ME3: variants seen among roughly 807,000 people sequenced by gnomAD.
The protein encoded by ME3 is malic enzyme 3.
ME3 carries 48 observed loss-of-function variants against 68.9 expected under a neutral mutation model. The ratio of observed to expected loss-of-function variants is 0.70; its 90% CI spans 0.55 to 0.89. The LOEUF is 0.89. ME3 is among the 40% of genes least tolerant of loss of function. The pLI, the probability that ME3 is intolerant of heterozygous loss-of-function variation, is 0.00. For synonymous variants in ME3, 320 were observed against 318.8 expected (o/e 1.00, Z -0.04); for missense variants, 675 against 797.4 (o/e 0.85, Z 1.85).
At chr11:86,616,714 G>A (rs1942980686) in intron 2 of ME3, among the ~76,000 whole-genome samples, 1 of 152,146 alleles carries the variant, frequency 6.6e-6, no homozygotes, top group South Asian at 2.1e-4. Flanking sequence ...GTGCCCTTTA[G>A]GACTGTCAAG....
At chr11:86,644,605 CCAAA>C (rs1944883149) in intron 2 of ME3, among the ~76,000 whole-genome samples, 1 of 152,186 alleles carries the variant, frequency 6.6e-6, no homozygotes, top group Non-Finnish European at 1.5e-5. Flanking sequence ...TCCCTCTGCC[CCAAA>C]CAGTCTTACT....
intron 2 of ME3, among the ~76,000 whole-genome samples, chr11:86,604,853 A>G (rs979718758): frequency 2.0e-5 from 3 of 152,190 alleles, no homozygotes; most frequent in African/African-American, 7.2e-5. Context: ...ATTGTATCTT[A>G]TATGTTTTAA....
At chr11:86,629,034 G>A (rs751413372) in intron 2 of ME3, among the ~76,000 whole-genome samples, 2 of 152,238 alleles carry the variant, frequency 1.3e-5, no homozygotes, top group Non-Finnish European at 2.9e-5. Context: ...AACAGGGTCT[G>A]CAAAGAGAGG....
intron 7 of ME3, 66 bp downstream of exon 7, chr11:86,487,271 G>T (rs773695918): frequency 3.0e-6 from 4 of 1,333,678 alleles, no homozygotes; most frequent in Non-Finnish European, 4.3e-6. Context: ...GCCAAAACCA[G>T]TGTTGACTTT....
chr11:86,605,022 A>C (rs564527425), intron 2 of ME3, among the ~76,000 whole-genome samples: 34 of 152,106 alleles, frequency 2.2e-4, no homozygotes, highest in Non-Finnish European at 4.3e-4. Context: ...CTATTCCCTA[A>C]GCTCTGAGCA....
chr11:86,497,435 G>C (rs533170063), intron 6 of ME3, among the ~76,000 whole-genome samples: 2 of 152,308 alleles, frequency 1.3e-5, no homozygotes, highest in African/African-American at 4.8e-5. Context: ...TGGGGCCTGA[G>C]CTCCTTAAAC....
chr11:86,629,895 G>A (rs1194110074), intron 2 of ME3, among the ~76,000 whole-genome samples: 2 of 152,150 alleles, frequency 1.3e-5, no homozygotes, highest in Non-Finnish European at 2.9e-5. Context: ...GTCTAAATGT[G>A]CACTGTTGAG....
At chr11:86,657,148 G>T (rs1436296322) in intron 2 of ME3, among the ~76,000 whole-genome samples, 4 of 152,146 alleles carry the variant, frequency 2.6e-5, no homozygotes, top group Non-Finnish European at 4.4e-5. Context: ...AAATCATTCT[G>T]CTATAAAGAC....
chr11:86,672,067 A>G, intron 1 of ME3, 109 bp from the exon 2 acceptor site: 2 of 897,412 alleles, frequency 2.2e-6, no homozygotes, highest in Non-Finnish European at 1.5e-6. Flanking sequence ...GGGAGAGGGC[A>G]GGTGCTCCCA....
At chr11:86,495,121 G>A (rs1219179430) in intron 6 of ME3, among the ~76,000 whole-genome samples, 1 of 152,130 alleles carries the variant, frequency 6.6e-6, no homozygotes, top group Non-Finnish European at 1.5e-5. Flanking sequence ...GTGGGGAGAG[G>A]AGCACAAACT....
chr11:86,636,272 T>G (rs564834543), intron 2 of ME3, among the ~76,000 whole-genome samples: 1 of 152,112 alleles, frequency 6.6e-6, no homozygotes, highest in South Asian at 2.1e-4. Context: ...TCTTTTTTTT[T>G]TTGTTTGTTT....
rs57291273 is a variant in ME3, at chr11:86,648,515, CAA to C, written c.183+23245_183+23246del. Among the ~76,000 whole-genome samples, 820 of 147,152 alleles carry C rather than the reference CAA, an allele frequency of 5.6e-3. 14 individuals carry two copies. The highest frequency in any genetic ancestry group is 0.018 in the African/African-American group (732 of 40,136). On this transcript the variant is annotated intron_variant, in intron 2 of 14. Coordinates refer to ENST00000543262, the Ensembl canonical transcript of ME3. ...GGAGATAGAGACACAAAAAACCTTT[CAA>C]AAAAAAAAAAATCAATGAATCCAGG...
At position 86,534,676 on chromosome 11, in the gene ME3, A is replaced by AAATAAT. The variant is rs773693222; in HGVS notation, c.467+21871_467+21876dup. Among the ~76,000 whole-genome samples the AAATAAT allele has an allele frequency of 1.2e-4, 18 of 151,780 alleles. 1 individual carries two copies. Among genetic ancestry groups the AAATAAT allele is most frequent in the South Asian group, 4.2e-4 (2 of 4,802 alleles). On this transcript the variant is annotated intron_variant, in intron 4 of 14. Transcript: ENST00000543262. ...GGCAACAGAGCAAGACTATATCTCA[A>AAATAAT]AATAATAATAATAATAATAATAACA... is the stretch of plus-strand genomic sequence containing the variant.
intron 2 of ME3, among the ~76,000 whole-genome samples, chr11:86,569,029 A>G (rs10898500): frequency 0.21 from 31,546 of 152,220 alleles, 3,910 homozygotes; most frequent in East Asian, 0.54. Context: ...TTGTGGGATT[A>G]GATGAAATAA....
intron 2 of ME3, among the ~76,000 whole-genome samples, chr11:86,648,653 C>A (rs1292221124): frequency 6.6e-6 from 1 of 152,108 alleles, no homozygotes; most frequent in African/African-American, 2.4e-5. Context: ...AAGGGGATAT[C>A]ACCACTGATC....
At chr11:86,634,177 G>A (rs988077428) in intron 2 of ME3, among the ~76,000 whole-genome samples, 2 of 152,176 alleles carry the variant, frequency 1.3e-5, no homozygotes, top group Non-Finnish European at 2.9e-5. Context: ...AAACCTGAGA[G>A]GGGTGTTCAG....
intron 2 of ME3, among the ~76,000 whole-genome samples, chr11:86,626,004 A>G (rs551888379): frequency 6.6e-6 from 1 of 152,330 alleles, no homozygotes; most frequent in South Asian, 2.1e-4. Flanking sequence ...ATTCATCCAT[A>G]TTTTCACTAA....
At chr11:86,487,414 G>T (rs766662424) in exon 7 of ME3, 5 of 1,613,794 alleles carry the variant, frequency 3.1e-6, no homozygotes, top group East Asian at 2.2e-5. Context: ...GTTTCAGGCC[G>T]ATGTACAGAG....
intron 2 of ME3, among the ~76,000 whole-genome samples, chr11:86,597,938 T>C (rs1418257006): frequency 6.6e-6 from 1 of 151,994 alleles, no homozygotes; most frequent in South Asian, 2.1e-4. Flanking sequence ...TAACTGGCAA[T>C]TGGTTGAAAG....
Sources: allele counts gnomAD v4.1 joint callset (sites outside exome capture counted in the v4.1 genomes callset), GRCh38; gene constraint gnomAD v4.1.1; transcripts MANE v1.5; gene names NCBI Gene and HGNC (gene_info 2026-07-23, HGNC 2026-07-21).